The following ASB3 variants were observed in gnomAD, a reference collection of about 807,000 sequenced individuals.
ASB3 encodes ankyrin repeat and SOCS box containing 3.
ASB3 carries 41 observed loss-of-function variants against 54.5 expected under a neutral mutation model. That is an observed-to-expected ratio of 0.75 (90% CI 0.59 to 0.98). ASB3 has a LOEUF of 0.98. Ranked by LOEUF, ASB3 falls within the 50% of genes least tolerant of loss-of-function variation. The pLI, the probability that ASB3 is intolerant of heterozygous loss-of-function variation, is 0.00. For missense variants in ASB3, 733 were observed against 620.0 expected (o/e 1.18, Z -1.94); for synonymous variants, 266 against 221.2 (o/e 1.20, Z -1.80).
chr2:53,717,372 G>A (rs539005605), intron 5 of ASB3, among the ~76,000 whole-genome samples: 2 of 152,164 alleles, frequency 1.3e-5, no homozygotes, highest in East Asian at 3.9e-4. Context: ...AACTAATATT[G>A]ACTATACTCT....
chr2:53,707,821 G>A (rs1317305602), intron 7 of ASB3, among the ~76,000 whole-genome samples: 1 of 151,666 alleles, frequency 6.6e-6, no homozygotes, highest in African/African-American at 2.4e-5. Flanking sequence ...AATTAGCCGG[G>A]TATGGTGTCA....
At chr2:53,708,365 G>T (rs998418142) in intron 7 of ASB3, among the ~76,000 whole-genome samples, 1 of 152,186 alleles carries the variant, frequency 6.6e-6, no homozygotes, top group Non-Finnish European at 1.5e-5. Context: ...CAACATCATG[G>T]TTCCTGTACA....
At chr2:53,693,776 G>T in intron 9 of ASB3, 108 bp downstream of exon 9, 1 of 1,430,228 alleles carries the variant, frequency 7.0e-7, no homozygotes, top group Non-Finnish European at 9.3e-7. Flanking sequence ...TGCAAATTAT[G>T]TCTAATTTGT....
At chr2:53,765,038 T>C (rs1053654986) in intron 2 of ASB3, among the ~76,000 whole-genome samples, 58 of 152,204 alleles carry the variant, frequency 3.8e-4, no homozygotes, top group African/African-American at 1.3e-3. Context: ...TTCAGTACAA[T>C]TGCTCTTTCT....
intron 3 of ASB3, among the ~76,000 whole-genome samples, chr2:53,732,254 C>T (rs1422166895): frequency 6.6e-6 from 1 of 152,014 alleles, no homozygotes; most frequent in East Asian, 1.9e-4. Flanking sequence ...AGCCACTGCA[C>T]CTGGCCCCAC....
chr2:53,753,652 G>GT (rs201461638), intron 2 of ASB3, among the ~76,000 whole-genome samples: 20,150 of 144,510 alleles, frequency 0.14, 1,655 homozygotes, highest in East Asian at 0.31. Flanking sequence ...CTTTCTTTCT[G>GT]TTTTTTTTTT....
At position 53,784,936 on chromosome 2, in the gene ASB3, C is replaced by G. The variant is rs564577643; in HGVS notation, c.-14+1885G>C. Among the ~76,000 whole-genome samples, 178 of 152,308 alleles carry G rather than the reference C, an allele frequency of 1.2e-3. 2 individuals are homozygous for G. The highest frequency in any genetic ancestry group is 4.3e-3 in the African/African-American group (177 of 41,566). On this transcript the variant is annotated intron_variant, in intron 1 of 9. Transcript: ENST00000263634. Reference sequence around the variant, plus strand: ...CACAATGATCTTCACAAATGTACATCGGGTCCTGTCCACTCTCCTGCCTAC... The same window carrying G: ...CACAATGATCTTCACAAATGTACATGGGGTCCTGTCCACTCTCCTGCCTAC...
At chr2:53,727,703 A>T (rs1671082107) in intron 5 of ASB3, among the ~76,000 whole-genome samples, 1 of 152,078 alleles carries the variant, frequency 6.6e-6, no homozygotes, top group African/African-American at 2.4e-5. Flanking sequence ...GGAAGTTTAT[A>T]AAAAGCCTGG....
At chr2:53,684,265 C>G (rs1374560774) in intron 9 of ASB3, among the ~76,000 whole-genome samples, 2 of 152,224 alleles carry the variant, frequency 1.3e-5, no homozygotes, top group African/African-American at 2.4e-5. Flanking sequence ...CTAACTAACA[C>G]TACAGAGTGG....
intron 3 of ASB3, among the ~76,000 whole-genome samples, chr2:53,745,577 C>A (rs564335339): frequency 6.6e-6 from 1 of 152,160 alleles, no homozygotes; most frequent in South Asian, 2.1e-4. Flanking sequence ...ATCCAACACA[C>A]CTCTCATGTC....
chr2:53,696,774 A>G (rs1379441084), intron 8 of ASB3, among the ~76,000 whole-genome samples: 2 of 152,242 alleles, frequency 1.3e-5, no homozygotes, highest in Non-Finnish European at 2.9e-5. Flanking sequence ...AACTATTTAC[A>G]TAGCATTTAT....
chr2:53,688,350 A>G (rs1668739137), intron 9 of ASB3, among the ~76,000 whole-genome samples: 1 of 152,236 alleles, frequency 6.6e-6, no homozygotes, highest in African/African-American at 2.4e-5. Context: ...TGTAACCACC[A>G]TCTCAAACAT....
chr2:53,700,483 G>A lies in ASB3; in HGVS notation c.1026C>T (p.Ala342=), dbSNP rs1455329894. 1 of 1,613,442 alleles carries A rather than the reference G, an allele frequency of 6.2e-7. No individual in the cohort carries two copies. Among genetic ancestry groups the A allele is most frequent in the Admixed American group, 1.7e-5 (1 of 59,928 alleles). ...ATGCCAAATGAAGTTCATTTATCTG[G>A]GCTCCATATTTCAAAAGAATGTTCA... ...GIVNILLKYG[A]QINELHLAYC... is the part of the protein sequence containing the mutation. Residue 342 remains alanine (A), a synonymous_variant, in exon 8 of 10, where the codon GCC becomes GCT. Transcript: ENST00000263634.
At chr2:53,698,651 A>T (rs1189251828) in intron 8 of ASB3, among the ~76,000 whole-genome samples, 5 of 152,230 alleles carry the variant, frequency 3.3e-5, no homozygotes, top group African/African-American at 1.2e-4. Context: ...ATTAATAACA[A>T]GGATGGCCTT....
rs564954682 is a variant in ASB3 at position 53,756,045 on chromosome 2, G to A, written c.197-5104C>T. ...GCCTGATGTGATGGCATATGTCTGC[G>A]GTCCCAGTTATTCCAGAGACTGAGA... On this transcript the variant is annotated intron_variant, in intron 2 of 9. Transcript: ENST00000263634. Among the ~76,000 whole-genome samples, 14 of 151,150 alleles carry A rather than the reference G, an allele frequency of 9.3e-5. 1 individual carries two copies. The highest frequency in any genetic ancestry group is 2.7e-4 in the African/African-American group (11 of 41,200).
Position 53,714,637 on chromosome 2 carries a change from G to A in ASB3, c.783-56C>T. The A allele has an allele frequency of 3.2e-6, 5 of 1,557,622 alleles. No homozygotes were observed. In the South Asian group the frequency reaches 4.7e-5, roughly 15 times the overall value. ...TGTTTGTATATGTGCATAAATGTAG[G>A]CAACATTTCTATAGCACAATTTTTT... On this transcript the variant is annotated intron_variant, in intron 6 of 9. Coordinates refer to ENST00000263634, the MANE Select transcript of ASB3 (RefSeq NM_016115.5).
At chr2:53,713,392 C>T (rs78012321) in intron 7 of ASB3, among the ~76,000 whole-genome samples, 1 of 152,328 alleles carries the variant, frequency 6.6e-6, no homozygotes, top group East Asian at 1.9e-4. Context: ...ATCTTCATAA[C>T]TTATTCCATT....
At chr2:53,721,413 A>T (rs1410135223) in intron 5 of ASB3, among the ~76,000 whole-genome samples, 1 of 150,394 alleles carries the variant, frequency 6.6e-6, no homozygotes, top group African/African-American at 2.4e-5. Flanking sequence ...AAAAAAAAAA[A>T]AAAAAAAATT....
intron 1 of ASB3, among the ~76,000 whole-genome samples, chr2:53,777,071 C>T (rs1486985612): frequency 6.6e-6 from 1 of 152,094 alleles, no homozygotes; most frequent in Non-Finnish European, 1.5e-5. Flanking sequence ...GGTTGTTTTA[C>T]TTAATTGTAC....
Sources: gnomAD v4.1 joint callset for allele counts (sites outside exome capture counted in the v4.1 genomes callset) on GRCh38, gnomAD v4.1.1 for gene constraint, MANE v1.5 for transcripts, NCBI Gene and HGNC (gene_info 2026-07-23, HGNC 2026-07-21) for gene names.